The following SNRPN variants were observed in gnomAD, a reference collection of about 807,000 sequenced individuals.
SNRPN encodes the protein small nuclear ribonucleoprotein-associated protein N.
SNRPN carries 7 observed loss-of-function variants against 25.2 expected under a neutral mutation model. The ratio of observed to expected loss-of-function variants is 0.28; its 90% CI spans 0.16 to 0.52. The LOEUF is 0.52. Ranked by LOEUF, SNRPN falls within the 20% of genes least tolerant of loss-of-function variation. The probability of loss-of-function intolerance (pLI) is 0.96; values close to 1 mark genes in which losing one functional copy is unlikely to be tolerated. For missense variants in SNRPN, 196 were observed against 322.5 expected, an observed-to-expected ratio of 0.61 and a Z score of 3.00; for synonymous variants, 124 against 110.6, an observed-to-expected ratio of 1.12 and a Z score of -0.76.
At chr15:24,889,052 G>A (rs1016026871) in intron 2 of SNRPN, among the ~76,000 whole-genome samples, 2 of 151,852 alleles carry the variant, frequency 1.3e-5, no homozygotes, top group Admixed American at 1.3e-4. Flanking sequence ...CGAGTAGCTG[G>A]AACTACAGGC....
At chr15:24,957,017 T>G (rs1251094452) in intron 1 of SNRPN, among the ~76,000 whole-genome samples, 1 of 152,242 alleles carries the variant, frequency 6.6e-6, no homozygotes, top group Admixed American at 6.5e-5. Context: ...TACCTTTTCA[T>G]TTTTGTAGTT....
chr15:24,858,517 G>C (rs1392993081), intron 1 of SNRPN, among the ~76,000 whole-genome samples: 1 of 152,056 alleles, frequency 6.6e-6, no homozygotes, highest in Non-Finnish European at 1.5e-5. Flanking sequence ...TAAACCAGGA[G>C]CCTGGCACAG....
At chr15:24,955,931 G>A (rs1326392477) in intron 1 of SNRPN, among the ~76,000 whole-genome samples, 3 of 150,660 alleles carry the variant, frequency 2.0e-5, no homozygotes, top group African/African-American at 7.3e-5. Context: ...GTGTAGAGGA[G>A]GGGGCATCAG....
chr15:24,978,492 G>A lies in SNRPN; in HGVS notation c.*48G>A. 6.5e-7 allele frequency: 1 copy of A among 1,534,428 alleles called. No homozygotes were observed. The highest frequency in any genetic ancestry group is 2.2e-5 in the East Asian group (1 of 44,448). ...CACTTTTTCCCCTGCAATGCGTCTT[G>A]TGAAATTGTGTAGAGTGTTTGTGAG... On this transcript the variant is annotated 3_prime_UTR_variant, in exon 10 of 10. Transcript: ENST00000390687.
At chr15:24,827,515 C>CAAAA (rs58393593) in intron 1 of SNRPN, among the ~76,000 whole-genome samples, 2 of 96,768 alleles carry the variant, frequency 2.1e-5, no homozygotes, top group African/African-American at 7.9e-5. Flanking sequence ...GACTCTGTCT[C>CAAAA]AAAAAAAAAA....
chr15:24,856,480 C>T (rs1431586293), upstream of SNRPN: 1 of 152,388 alleles, frequency 6.6e-6, no homozygotes, highest in African/African-American at 2.4e-5. Context: ...CTTGCGCAAG[C>T]GCAGTTGTAC....
chr15:24,972,255 CAAA>C (rs5811371), intron 3 of SNRPN, among the ~76,000 whole-genome samples: 3 of 108,204 alleles, frequency 2.8e-5, no homozygotes, highest in Non-Finnish European at 3.8e-5. Flanking sequence ...GACTCTGTCT[CAAA>C]AAAAAAAAAA....
At chr15:24,903,224 G>A (rs953661695) in intron 2 of SNRPN, among the ~76,000 whole-genome samples, 1 of 152,148 alleles carries the variant, frequency 6.6e-6, no homozygotes, top group African/African-American at 2.4e-5. Context: ...GATACTTAAT[G>A]GCACATTAAT....
At chr15:24,965,295 T>C (rs920815125) in intron 2 of SNRPN, among the ~76,000 whole-genome samples, 2 of 152,060 alleles carry the variant, frequency 1.3e-5, no homozygotes, top group African/African-American at 4.8e-5. Context: ...CCCAGCACTT[T>C]GGGAGGCGAA....
At chr15:24,839,842 C>A (rs553432003) in intron 2 of SNRPN, among the ~76,000 whole-genome samples, 1 of 151,370 alleles carries the variant, frequency 6.6e-6, no homozygotes, top group Non-Finnish European at 1.5e-5. Context: ...CATTTGTTCA[C>A]GGAGCCTGCT....
chr15:24,843,874 A>G lies in SNRPN; in HGVS notation c.-579+13969A>G, dbSNP rs570224258. On this transcript the variant is annotated intron_variant, in intron 2 of 12. Transcript: ENST00000400100. ...TGTAATCCCAGCTCCTCATGTGGCT[A>G]GGGCATGAGAATAGCTTGAACCTGG... Among the ~76,000 whole-genome samples, 47 of 150,144 alleles carry G rather than the reference A, an allele frequency of 3.1e-4. 1 individual carries two copies. The highest frequency in any genetic ancestry group is 1.1e-3 in the Admixed American group (16 of 15,058).
chr15:24,907,921 T>G (rs1158746255), intron 2 of SNRPN, among the ~76,000 whole-genome samples: 3 of 151,168 alleles, frequency 2.0e-5, no homozygotes, highest in African/African-American at 7.3e-5. Flanking sequence ...GGCATGGTGG[T>G]GGGCACCTGT....
At chr15:24,939,645 C>T (rs932115828) in intron 3 of SNRPN, among the ~76,000 whole-genome samples, 1 of 152,026 alleles carries the variant, frequency 6.6e-6, no homozygotes, top group African/African-American at 2.4e-5. Context: ...GTTAACCACG[C>T]TGGTCTCGAA....
chr15:24,855,965 C>G (rs1224664201), upstream of SNRPN, among the ~76,000 whole-genome samples: 1 of 151,894 alleles, frequency 6.6e-6, no homozygotes, highest in African/African-American at 2.4e-5. Flanking sequence ...GGATATATTT[C>G]TTGAAATATT....
chr15:24,901,925 TGGAGGAAGAAATGAGGATGAACA>T (rs998798956), intron 2 of SNRPN, among the ~76,000 whole-genome samples: 1 of 152,142 alleles, frequency 6.6e-6, no homozygotes, highest in African/African-American at 2.4e-5. Flanking sequence ...AATGGGGTTG[TGGAGGAAGAAATGAGGATGAACA>T]GATAGGCAAG....
In SNRPN at chr15:24,976,998, C is replaced by G; in HGVS notation, c.389C>G (p.Pro130Arg). 1 of 1,595,306 alleles carries G rather than the reference C, an allele frequency of 6.3e-7. No individual in the cohort carries two copies. The highest frequency in any genetic ancestry group is 8.5e-7 in the Non-Finnish European group (1 of 1,171,624). The change falls in exon 7 of 10, where the codon CCT becomes CGT. Residue 130 changes from proline to arginine, a missense_variant. Coordinates refer to ENST00000390687, the MANE Select transcript of SNRPN (RefSeq NM_003097.6). ...IPQAPAGLAG[P>R]VRGVGGPSQQ... ...CAGGCCCCTGCTGGATTGGCAGGCC[C>G]TGTCCGAGGAGTTGGGGGACCATCC...
intron 3 of SNRPN, among the ~76,000 whole-genome samples, chr15:24,944,313 TTAGGTGCAAC>T (rs2061747996): frequency 6.6e-6 from 1 of 152,184 alleles, no homozygotes; most frequent in South Asian, 2.1e-4. Flanking sequence ...TTCAGTGAAA[TTAGGTGCAAC>T]TAGACAGTCT....
At chr15:24,971,382 A>G (rs904323438) in intron 3 of SNRPN, among the ~76,000 whole-genome samples, 3 of 152,198 alleles carry the variant, frequency 2.0e-5, no homozygotes, top group Non-Finnish European at 4.4e-5. Context: ...TTACAAGGTC[A>G]TGACTACATT....
chr15:24,847,392 A>G (rs2144839178), intron 2 of SNRPN, among the ~76,000 whole-genome samples: 1 of 152,278 alleles, frequency 6.6e-6, no homozygotes, highest in South Asian at 2.1e-4. Flanking sequence ...TGTAATCCCA[A>G]CACACTGGGA....
Sources: allele counts gnomAD v4.1 joint callset (sites outside exome capture counted in the v4.1 genomes callset), GRCh38; gene constraint gnomAD v4.1.1; transcripts MANE v1.5; gene names NCBI Gene and HGNC (gene_info 2026-07-23, HGNC 2026-07-21).